PKN2: variants seen among roughly 807,000 people sequenced by gnomAD.
The protein encoded by PKN2 is serine/threonine-protein kinase N2.
PKN2 carries 38 observed loss-of-function variants against 119.1 expected under a neutral mutation model. The observed-to-expected ratio is 0.32, with a 90% CI of 0.25 to 0.42. The LOEUF (loss-of-function observed/expected upper bound fraction) is 0.42, where lower values mean the gene tolerates loss of function less well. Among genes scored for constraint, PKN2 ranks in the 10% least tolerant of loss-of-function variants. The probability of loss-of-function intolerance (pLI) is 1.00; values close to 1 mark genes in which losing one functional copy is unlikely to be tolerated. For missense variants in PKN2, 850 were observed against 1,165.1 expected (o/e 0.73, Z 3.94); for synonymous variants, 390 against 384.9 (o/e 1.01, Z -0.15).
At chr1:88,732,821 A>G (rs1344613368) in intron 1 of PKN2, among the ~76,000 whole-genome samples, 1 of 152,214 alleles carries the variant, frequency 6.6e-6, no homozygotes, top group Non-Finnish European at 1.5e-5. Context: ...TACACAATGG[A>G]ATATTATTCA....
intron 6 of PKN2, among the ~76,000 whole-genome samples, chr1:88,776,081 C>A (rs931775814): frequency 2.3e-4 from 34 of 149,572 alleles, no homozygotes; most frequent in African/African-American, 8.4e-4. Flanking sequence ...GCACTCCAGC[C>A]TGGGTGACAG....
rs776496913 is a variant in PKN2, at chr1:88,771,845, A to G, written c.951A>G (p.Gln317=). ...AAAGTATGATATCTACGCAAAATCA[A>G]TATAGTACACTATCCAAACCAGCAG... is the stretch of plus-strand genomic sequence containing the variant. ...PRQSMISTQN[Q]YSTLSKPAAL... Residue 317 remains glutamine (Q), a synonymous_variant, in exon 6 of 22, where the codon CAA becomes CAG. Transcript: ENST00000370521. 4 of 1,613,878 alleles carry G rather than the reference A, an allele frequency of 2.5e-6. No individual in the cohort carries two copies. Among genetic ancestry groups the G allele is most frequent in the East Asian group, 4.5e-5 (2 of 44,834 alleles).
Position 88,771,882 on chromosome 1 carries a change from A to G in PKN2, c.985+3A>G, listed in dbSNP as rs180697549. The stretch of plus-strand genomic sequence containing the variant: ...ATCCAAACCAGCAGCACTAACAGGT[A>G]TGTAGTGTATAGCCATTGTTTTTTG... On this transcript the variant is annotated splice_donor_region_variant and intron_variant, in intron 6 of 21. Coordinates refer to ENST00000370521, the MANE Select transcript of PKN2 (RefSeq NM_006256.4). The G allele has an allele frequency of 6.3e-7, 1 of 1,582,998 alleles. No individual in the cohort carries two copies. Among genetic ancestry groups the G allele is most frequent in the Admixed American group, 1.7e-5 (1 of 59,970 alleles).
chr1:88,795,013 T>G (rs564779158), intron 8 of PKN2, among the ~76,000 whole-genome samples: 1 of 152,366 alleles, frequency 6.6e-6, no homozygotes, highest in South Asian at 2.1e-4. Flanking sequence ...TTTTCAATCT[T>G]AGCTAGGCTT....
chr1:88,741,087 G>T lies in PKN2; in HGVS notation c.148G>T (p.Asp50Tyr). 6.2e-7 allele frequency: 1 copy of T among 1,611,040 alleles called. No individual in the cohort carries two copies. The highest frequency in any genetic ancestry group is 8.5e-7 in the Non-Finnish European group (1 of 1,178,580). Residue 50 changes from aspartate (D) to tyrosine (Y), a missense_variant, in exon 2 of 22, where the codon GAT becomes TAT. Transcript: ENST00000370521. ...MVQQKLDDIK[D>Y]RIKREIRKEL... ...GCAGCAGAAATTGGATGATATCAAG[G>T]ATCGAATTAAGAGAGAAATAAGGAA...
chr1:88,759,322 C>T (rs901996549), intron 2 of PKN2, among the ~76,000 whole-genome samples: 10 of 152,162 alleles, frequency 6.6e-5, no homozygotes, highest in African/African-American at 2.2e-4. Flanking sequence ...AAGATGGCGC[C>T]ACTGCACTCC....
In PKN2 at chr1:88,784,749, T is replaced by C; in HGVS notation, c.1096T>C (p.Ser366Pro). ...TGGTTGGAGTCCAAGTGAAACCAGATCATCTTTCATGAGCAGAACGAGTAA... is the reference window on the plus strand; with the variant it reads ...TGGTTGGAGTCCAAGTGAAACCAGACCATCTTTCATGAGCAGAACGAGTAA... ...LPGWSPSETR[S>P]SFMSRTSKSK... The change falls in exon 7 of 22, where the codon TCA (serine) becomes CCA (proline). Residue 366 changes from serine to proline, a missense_variant. Transcript: ENST00000370521. The C allele has an allele frequency of 6.2e-7, 1 of 1,612,952 alleles. No homozygotes were observed.
chr1:88,822,107 A>G, intron 17 of PKN2, 104 bp downstream of exon 17: 1 of 1,042,718 alleles, frequency 9.6e-7, no homozygotes, highest in Non-Finnish European at 1.3e-6. Flanking sequence ...CCAGTTTCTT[A>G]GTTTTCTCCT....
intron 1 of PKN2, among the ~76,000 whole-genome samples, chr1:88,702,376 T>G (rs1485836217): frequency 6.6e-6 from 1 of 152,136 alleles, no homozygotes; most frequent in Admixed American, 6.5e-5. Context: ...GCAGAAAAAT[T>G]AAAGAAAATT....
chr1:88,718,150 G>A (rs542748557), intron 1 of PKN2, among the ~76,000 whole-genome samples: 1 of 152,314 alleles, frequency 6.6e-6, no homozygotes, highest in East Asian at 1.9e-4. Flanking sequence ...AAATATTGCA[G>A]AACAGCAAAT....
In PKN2 at chr1:88,784,794, C is replaced by T; in HGVS notation, c.1141C>T (p.Arg381Ter). The part of the protein sequence containing the change: ...RTSKSKSGSS[R>*]NLLKTDDLSN... The stretch of plus-strand genomic sequence containing the variant: ...GAGTAAAAGTAAAAGCGGAAGTAGT[C>T]GAAATCTTCTAAAAACCGATGACTT... The change falls in exon 7 of 22, where the codon CGA (arginine) becomes TGA (stop). Residue 381 changes from arginine (R) to a stop codon, truncating the protein, a stop_gained. Coordinates refer to ENST00000370521, the MANE Select transcript of PKN2 (RefSeq NM_006256.4). LOFTEE classifies it high-confidence loss of function. 1 of 1,609,814 alleles carries T rather than the reference C, an allele frequency of 6.2e-7. No homozygotes were observed. The highest frequency in any genetic ancestry group is 8.5e-7 in the Non-Finnish European group (1 of 1,177,944).
At chr1:88,833,192 A>G (rs1324411660) in intron 21 of PKN2, 35 bp downstream of exon 21, 2 of 1,609,246 alleles carry the variant, frequency 1.2e-6, no homozygotes, top group East Asian at 2.2e-5. Flanking sequence ...TTATGAAACT[A>G]GAGCGATTAG....
At chr1:88,735,718 C>CTTCCTTATATGTTA in intron 1 of PKN2, among the ~76,000 whole-genome samples, 1 of 149,822 alleles carries the variant, frequency 6.7e-6, no homozygotes. Context: ...CAGATTGGGA[C>CTTCCTTATATGTTA]TTCCTTATAT....
At chr1:88,705,305 A>T (rs1032551207) in intron 1 of PKN2, among the ~76,000 whole-genome samples, 3 of 152,020 alleles carry the variant, frequency 2.0e-5, no homozygotes, top group Non-Finnish European at 4.4e-5. Context: ...TAGTTTTATG[A>T]TCCATTGTGA....
At chr1:88,793,170 CTT>C (rs968347128) in intron 8 of PKN2, among the ~76,000 whole-genome samples, 1 of 152,070 alleles carries the variant, frequency 6.6e-6, no homozygotes, top group African/African-American at 2.4e-5. Flanking sequence ...TTATATTTCT[CTT>C]GACTATAAAT....
At chr1:88,827,659 C>A (rs1200078587) in intron 18 of PKN2, among the ~76,000 whole-genome samples, 1 of 148,102 alleles carries the variant, frequency 6.8e-6, no homozygotes, top group African/African-American at 2.5e-5. Flanking sequence ...CTCCCCTCCC[C>A]TCCCGTCCCC....
intron 2 of PKN2, 125 bp downstream of exon 2, chr1:88,741,413 T>C (rs1271763082): frequency 8.4e-6 from 5 of 595,676 alleles, no homozygotes. Context: ...AGACTTTTTC[T>C]CTTTTGGTTA....
intron 1 of PKN2, among the ~76,000 whole-genome samples, chr1:88,692,572 G>A (rs939814232): frequency 1.3e-5 from 2 of 152,108 alleles, no homozygotes; most frequent in Non-Finnish European, 2.9e-5. Flanking sequence ...GGTGTAAAAT[G>A]TTGCCTTATT....
In PKN2 at chr1:88,804,495, G is replaced by A; in HGVS notation, c.1386G>A (p.Met462Ile). The part of the protein sequence containing the change: ...EDFLDNQRHG[M>I]CLYLEPQGTL... The stretch of plus-strand genomic sequence containing the variant: ...TTTTAGACAACCAACGGCATGGCAT[G>A]TGTCTCTATTTGGAACCACAGGGTA... Residue 462 changes from methionine to isoleucine, a missense_variant, in exon 9 of 22, where the codon ATG (methionine) becomes ATA (isoleucine). Physicochemically the swap from Met to Ile is conservative, Grantham distance 10. Transcript: ENST00000370521. 1 of 1,613,626 alleles carries A rather than the reference G, an allele frequency of 6.2e-7. No individual in the cohort carries two copies. Among genetic ancestry groups the A allele is most frequent in the Non-Finnish European group, 8.5e-7 (1 of 1,179,718 alleles).
Sources: allele counts gnomAD v4.1 joint callset (sites outside exome capture counted in the v4.1 genomes callset), GRCh38; gene constraint gnomAD v4.1.1; transcripts MANE v1.5; gene names NCBI Gene and HGNC (gene_info 2026-07-23, HGNC 2026-07-21).